Variants in HPCAL4 observed in about 807,000 individuals in gnomAD.
The protein encoded by HPCAL4 is hippocalcin like 4, also known as hippocalcin-like protein 4.
HPCAL4 carries 16 observed loss-of-function variants against 18.2 expected under a neutral mutation model. That is an observed-to-expected ratio of 0.88 (90% CI 0.59 to 1.33). The LOEUF is 1.33. Ranked by LOEUF, HPCAL4 falls within the 40% of genes most tolerant of loss-of-function variation. The pLI is 0.00. For synonymous variants in HPCAL4, 80 were observed against 97.5 expected, an observed-to-expected ratio of 0.82 and a Z score of 1.06; for missense variants, 214 against 256.6, an observed-to-expected ratio of 0.83 and a Z score of 1.14.
At chr1:39,682,822 AC>A in intron 3 of HPCAL4, 89 bp from the exon 4 acceptor site, 2 of 983,158 alleles carry the variant, frequency 2.0e-6, no homozygotes, top group Non-Finnish European at 3.2e-6. Context: ...CAGGGAGAAC[AC>A]TGGGGGTTGG....
At chr1:39,690,739 C>G (rs528383968) in intron 1 of HPCAL4, among the ~76,000 whole-genome samples, 1 of 151,952 alleles carries the variant, frequency 6.6e-6, no homozygotes, top group Admixed American at 6.5e-5. Context: ...TTGTCCCCCC[C>G]TCAGGTATGC....
chr1:39,685,331 T>A (rs1646664012), intron 1 of HPCAL4, among the ~76,000 whole-genome samples: 1 of 152,192 alleles, frequency 6.6e-6, no homozygotes, highest in South Asian at 2.1e-4. Context: ...TGGGATTTTT[T>A]AAAACAAGGG....
chr1:39,684,201 C>A (rs200693797), intron 2 of HPCAL4, 49 bp from the exon 3 acceptor site: 8 of 1,464,514 alleles, frequency 5.5e-6, no homozygotes, highest in South Asian at 1.2e-5. Flanking sequence ...CCGCCCACCC[C>A]GCCCCCATCT....
At position 39,680,482 on chromosome 1, in the gene HPCAL4, GC is replaced by G. The variant is rs1375509853; in HGVS notation, c.*2053del. On this transcript the variant is annotated 3_prime_UTR_variant, in exon 4 of 4. Coordinates refer to ENST00000372844, the MANE Select transcript of HPCAL4 (RefSeq NM_016257.4). ...GGGAAGGAACCTCACTTAGTGAAAAGCTTTTCACCAGAAGATTTAGGTCCCA... is the reference window on the plus strand; with the variant it reads ...GGGAAGGAACCTCACTTAGTGAAAAGTTTTCACCAGAAGATTTAGGTCCCA... 2.0e-5 allele frequency: 3 copies of G among 152,204 alleles called. No homozygotes were observed. In the East Asian group the frequency reaches 5.8e-4, roughly 29 times the overall value. 9.4% of individuals were successfully genotyped at this position (152,204 alleles called of 1,614,324 possible). A position where few individuals can be genotyped will look rare whatever the true frequency, so the allele number is the denominator to read the frequency against.
chr1:39,688,356 T>C (rs561446960), intron 1 of HPCAL4, among the ~76,000 whole-genome samples: 1 of 152,244 alleles, frequency 6.6e-6, no homozygotes, highest in South Asian at 2.1e-4. Flanking sequence ...CCCCGGGGTG[T>C]GGGGAACACA....
chr1:39,688,582 T>G (rs1646695077), intron 1 of HPCAL4, among the ~76,000 whole-genome samples: 1 of 152,148 alleles, frequency 6.6e-6, no homozygotes, highest in African/African-American at 2.4e-5. Flanking sequence ...TAGGAGGGAA[T>G]GGCTTTTTCC....
chr1:39,683,799 T>G, intron 3 of HPCAL4, 138 bp downstream of exon 3: 1 of 735,134 alleles, frequency 1.4e-6, no homozygotes, highest in Non-Finnish European at 2.3e-6. Flanking sequence ...AGCCCGGGCC[T>G]GTAGCGGGGT....
intron 1 of HPCAL4, among the ~76,000 whole-genome samples, chr1:39,687,304 ACC>A (rs1557755366): frequency 6.6e-6 from 1 of 152,192 alleles, no homozygotes; most frequent in African/African-American, 2.4e-5. Context: ...GGCAGGCCTC[ACC>A]CCTCTCCCAA....
rs1411084527 is a variant in HPCAL4 at position 39,682,335 on chromosome 1, A to G, written c.*201T>C. ...GGGAGGTGGGGCTAGAAGACAGGGTACTGGAGGACCTGTCTCTTTTGCAGG... is the reference window on the plus strand; with the variant it reads ...GGGAGGTGGGGCTAGAAGACAGGGTGCTGGAGGACCTGTCTCTTTTGCAGG... On this transcript the variant is annotated 3_prime_UTR_variant, in exon 4 of 4. Transcript: ENST00000372844. The G allele has an allele frequency of 8.5e-6, 5 of 585,192 alleles. No individual in the cohort carries two copies. Among genetic ancestry groups the G allele is most frequent in the Non-Finnish European group, 1.5e-5 (5 of 327,632 alleles). 36.2% of individuals were successfully genotyped at this position (585,192 alleles called of 1,614,324 possible). A position where few individuals can be genotyped will look rare whatever the true frequency, so the allele number is the denominator to read the frequency against.
At position 39,685,892 on chromosome 1, in the gene HPCAL4, A is replaced by T. The variant is rs768769750; in HGVS notation, c.-8-1281T>A. On this transcript the variant is annotated intron_variant, in intron 1 of 3. Coordinates refer to ENST00000372844, the MANE Select transcript of HPCAL4 (RefSeq NM_016257.4). Reference sequence around the variant, plus strand: ...GAGACTCCACCTCAAAAAAAAAAAAAATATATTGGCCGGGCGCAGTGGCTC... The same window carrying T: ...GAGACTCCACCTCAAAAAAAAAAAATATATATTGGCCGGGCGCAGTGGCTC... Among the ~76,000 whole-genome samples the T allele has an allele frequency of 3.7e-3, 408 of 109,712 alleles. 2 individuals carry two copies. Among genetic ancestry groups the T allele is most frequent in the African/African-American group, 0.012 (336 of 28,360 alleles). 72.0% of individuals were successfully genotyped at this position (109,712 alleles called of 152,430 possible).
intron 1 of HPCAL4, among the ~76,000 whole-genome samples, chr1:39,686,062 T>C (rs1360919895): frequency 2.0e-5 from 3 of 150,370 alleles, no homozygotes; most frequent in African/African-American, 7.4e-5. Flanking sequence ...GCGCCAGTAG[T>C]CCCAGCTACT....
At chr1:39,687,388 G>A (rs1646684044) in intron 1 of HPCAL4, among the ~76,000 whole-genome samples, 2 of 152,228 alleles carry the variant, frequency 1.3e-5, no homozygotes, top group African/African-American at 4.8e-5. Context: ...GTCTGATGGG[G>A]GGAGGCACAG....
chr1:39,691,102 C>A (rs1441092717), intron 1 of HPCAL4: 1 of 152,688 alleles, frequency 6.5e-6, no homozygotes, highest in Non-Finnish European at 1.5e-5. Flanking sequence ...GCCTCCTTCT[C>A]TGCACCCATG....
intron 1 of HPCAL4, among the ~76,000 whole-genome samples, chr1:39,687,934 AAAG>A (rs1407396663): frequency 6.6e-6 from 1 of 152,132 alleles, no homozygotes; most frequent in Non-Finnish European, 1.5e-5. Flanking sequence ...AAAATTAAGA[AAAG>A]AAGGTCAAAA....
chr1:39,686,180 CAAAAAAAA>C (rs35915782), intron 1 of HPCAL4, among the ~76,000 whole-genome samples: 1 of 86,480 alleles, frequency 1.2e-5, no homozygotes, highest in Non-Finnish European at 2.3e-5. Flanking sequence ...GACTCCGTCT[CAAAAAAAA>C]AAAAAAAAAA....
At position 39,684,633 on chromosome 1, in the gene HPCAL4, C is replaced by T. The variant is rs778954346; in HGVS notation, c.-8-22G>A. On this transcript the variant is annotated intron_variant, in intron 1 of 3. Coordinates refer to ENST00000372844, the MANE Select transcript of HPCAL4 (RefSeq NM_016257.4). ...GGGCCTGTGGGACAGAGGGATTCCT[C>T]CGACTGGGTCCAGGGAAAGGCCCTG... 1.9e-5 allele frequency: 29 copies of T among 1,545,090 alleles called. 1 individual carries two copies. The South Asian group carries it at 3.1e-4, about 17-fold the overall frequency.
At position 39,682,351 on chromosome 1, in the gene HPCAL4, CTT is replaced by C. The variant is rs751771244; in HGVS notation, c.*183_*184del. On this transcript the variant is annotated 3_prime_UTR_variant, in exon 4 of 4. Coordinates refer to ENST00000372844, the MANE Select transcript of HPCAL4 (RefSeq NM_016257.4). ...AGACAGGGTACTGGAGGACCTGTCT[CTT>C]TTGCAGGGTGAGGTGGTCCCTCAAA... 2.0e-4 allele frequency: 122 copies of C among 605,606 alleles called. 1 individual carries two copies. In the Admixed American group the frequency reaches 2.2e-3, roughly 11 times the overall value. 37.5% of individuals were successfully genotyped at this position (605,606 alleles called of 1,614,324 possible).
At chr1:39,689,870 T>C (rs1219186924) in intron 1 of HPCAL4, among the ~76,000 whole-genome samples, 1 of 152,144 alleles carries the variant, frequency 6.6e-6, no homozygotes, top group Non-Finnish European at 1.5e-5. Flanking sequence ...TTTTCTCTCT[T>C]TCCTCTCCTC....
rs1468518287 is a variant in HPCAL4, at chr1:39,680,847, G to A, written c.*1689C>T. 3 of 152,622 alleles carry A rather than the reference G, an allele frequency of 2.0e-5. No homozygotes were observed. Among genetic ancestry groups the A allele is most frequent in the Admixed American group, 6.5e-5 (1 of 15,290 alleles). The allele number at this position is 152,622 out of a possible 1,614,324, so 9.5% of individuals were successfully genotyped here. A position where few individuals can be genotyped will look rare whatever the true frequency, so the allele number is the denominator to read the frequency against. On this transcript the variant is annotated 3_prime_UTR_variant, in exon 4 of 4. Transcript: ENST00000372844. Reference sequence around the variant, plus strand: ...ATCCCCCAGAGTTTTCACCTGCAGAGAAGCAGGACAGGTGGGCACTCAGGA... The same window carrying A: ...ATCCCCCAGAGTTTTCACCTGCAGAAAAGCAGGACAGGTGGGCACTCAGGA...
Sources: gnomAD v4.1 joint callset for allele counts (sites outside exome capture counted in the v4.1 genomes callset) on GRCh38, gnomAD v4.1.1 for gene constraint, MANE v1.5 for transcripts, NCBI Gene and HGNC (gene_info 2026-07-23, HGNC 2026-07-21) for gene names.